Variants in BRSK2 observed in about 807,000 individuals in gnomAD.
BRSK2 encodes serine/threonine-protein kinase BRSK2.
BRSK2 carries 19 observed loss-of-function variants against 83.3 expected under a neutral mutation model. That is an observed-to-expected ratio of 0.23 (90% CI 0.16 to 0.33). The LOEUF (loss-of-function observed/expected upper bound fraction) is 0.33. Ranked by LOEUF, BRSK2 falls within the 10% of genes least tolerant of loss-of-function variation. BRSK2 has a pLI of 1.00. For missense variants in BRSK2, 798 were observed against 1,042.3 expected (o/e 0.77, Z 3.23); for synonymous variants, 519 against 435.4 (o/e 1.19, Z -2.39).
Position 1,438,461 on chromosome 11 carries a change from G to T in BRSK2, c.272+70G>T. 1 of 1,444,526 alleles carries T rather than the reference G, an allele frequency of 6.9e-7. No individual in the cohort carries two copies. The allele number at this position is 1,444,526 out of a possible 1,614,324, so 89.5% of individuals were successfully genotyped here. A position where few individuals can be genotyped will look rare whatever the true frequency, so the allele number is the denominator to read the frequency against. ...GCTGTCGCTGCAGGGGTGGGTGTCT[G>T]GGGCTTGGGGAGCACAGGGGCTGGA... On this transcript the variant is annotated intron_variant, in intron 3 of 19. Coordinates refer to ENST00000528841, the MANE Select transcript of BRSK2 (RefSeq NM_001256627.2). The surrounding 1 kb of genome is among the most constrained non-coding windows in gnomAD (Gnocchi z 6.4).
intron 1 of BRSK2, among the ~76,000 whole-genome samples, chr11:1,433,392 C>T (rs2132966671): frequency 6.6e-6 from 1 of 152,362 alleles, no homozygotes; most frequent in Non-Finnish European, 1.5e-5. Flanking sequence ...CCTGAGGGTG[C>T]CTCATGCTGG....
At chr11:1,422,169 G>A (rs1025405631) in intron 1 of BRSK2, among the ~76,000 whole-genome samples, 4 of 152,296 alleles carry the variant, frequency 2.6e-5, no homozygotes, top group South Asian at 2.1e-4. Context: ...AGCCCCTCAC[G>A]GGAGCATGCA....
At chr11:1,451,592 G>A (rs1294584180) in intron 15 of BRSK2, among the ~76,000 whole-genome samples, 173 bp downstream of exon 15, 2 of 152,332 alleles carry the variant, frequency 1.3e-5, no homozygotes, top group South Asian at 2.1e-4. Context: ...ATTCCCGGCT[G>A]TGAGGGGAAG....
intron 1 of BRSK2, among the ~76,000 whole-genome samples, chr11:1,403,982 G>A (rs1846665792): frequency 6.6e-6 from 1 of 152,210 alleles, no homozygotes; most frequent in Non-Finnish European, 1.5e-5. Context: ...TGGGGCGAAT[G>A]GGGTGAGCCT....
Position 1,390,095 on chromosome 11 carries a change from G to T in BRSK2, c.-190G>T. On this transcript the variant is annotated 5_prime_UTR_variant, in exon 1 of 20. Transcript: ENST00000528841. This position sits in a 1 kb window ranked among gnomAD's most constrained non-coding sequence, Gnocchi z 6.8. ...AGGCGTCGCCGCGGGCCAGGCCTCG[G>T]ACTGCCGCGTCGGAGTGGACGCGGG... The T allele has an allele frequency of 6.7e-6, 1 of 150,322 alleles. No homozygotes were observed. The highest frequency in any genetic ancestry group is 1.8e-4 in the South Asian group (1 of 5,636). The allele number at this position is 150,322 out of a possible 1,614,324, so 9.3% of individuals were successfully genotyped here.
At chr11:1,446,539 A>AG (rs1230505909) in intron 12 of BRSK2, among the ~76,000 whole-genome samples, 1 of 152,158 alleles carries the variant, frequency 6.6e-6, no homozygotes, top group Non-Finnish European at 1.5e-5. Context: ...CCCTGGTCCC[A>AG]GCAATGCTGG....
At chr11:1,422,536 T>C (rs1848737460) in intron 1 of BRSK2, among the ~76,000 whole-genome samples, 1 of 152,082 alleles carries the variant, frequency 6.6e-6, no homozygotes, top group African/African-American at 2.4e-5. Flanking sequence ...AGTTTGCAGT[T>C]GCTACAGTGC....
At chr11:1,421,630 G>A (rs999738821) in intron 1 of BRSK2, among the ~76,000 whole-genome samples, 1 of 152,222 alleles carries the variant, frequency 6.6e-6, no homozygotes, top group African/African-American at 2.4e-5. Context: ...GAGGCTGTGG[G>A]ATCTATTGAT....
intron 18 of BRSK2, among the ~76,000 whole-genome samples, 184 bp from the exon 19 acceptor site, chr11:1,459,008 C>T (rs528828990): frequency 4.6e-5 from 7 of 152,268 alleles, no homozygotes; most frequent in African/African-American, 1.7e-4. Context: ...CCTGCCCCTG[C>T]ACTGCCCCTT....
chr11:1,421,425 G>A (rs2134195315), intron 1 of BRSK2, among the ~76,000 whole-genome samples: 1 of 152,230 alleles, frequency 6.6e-6, no homozygotes, highest in African/African-American at 2.4e-5. Flanking sequence ...TCCCCAGTGG[G>A]AGCTGCATCC....
intron 1 of BRSK2, chr11:1,410,665 C>T: frequency 1.0e-6 from 1 of 985,438 alleles, no homozygotes; most frequent in Non-Finnish European, 1.2e-6. Flanking sequence ...ACCTGTGGCC[C>T]TGAGTCAGCA....
intron 12 of BRSK2, 101 bp downstream of exon 12, chr11:1,446,008 A>G: frequency 1.4e-6 from 2 of 1,381,304 alleles, no homozygotes; most frequent in Non-Finnish European, 1.9e-6. Context: ...GTCTCGGCTG[A>G]GGCCATTGGG....
chr11:1,445,231 A>G, intron 9 of BRSK2, 63 bp from the exon 10 acceptor site: 1 of 1,535,500 alleles, frequency 6.5e-7, no homozygotes, highest in Non-Finnish European at 8.8e-7. Context: ...CGGGCGTCCC[A>G]CCCTCGCAGC....
chr11:1,396,704 G>C (rs1846146896), intron 1 of BRSK2, among the ~76,000 whole-genome samples: 1 of 152,244 alleles, frequency 6.6e-6, no homozygotes, highest in African/African-American at 2.4e-5. Context: ...ACCTGGGGAG[G>C]GTCAGGCTGT....
chr11:1,429,572 T>C (rs1287557461), intron 1 of BRSK2, among the ~76,000 whole-genome samples: 1 of 150,392 alleles, frequency 6.6e-6, no homozygotes, highest in Non-Finnish European at 1.5e-5. Context: ...GTTTTGCCAC[T>C]GTGCTCAGCA....
intron 1 of BRSK2, among the ~76,000 whole-genome samples, chr11:1,407,998 C>T (rs1191591149): frequency 6.6e-6 from 1 of 152,242 alleles, no homozygotes; most frequent in East Asian, 1.9e-4. Flanking sequence ...GCAGGGGCTG[C>T]CTGGGCACCT....
At chr11:1,435,239 G>A (rs187232841) in intron 1 of BRSK2, among the ~76,000 whole-genome samples, 4 of 129,222 alleles carry the variant, frequency 3.1e-5, no homozygotes, top group African/African-American at 1.2e-4. Flanking sequence ...CTCAGCGGAG[G>A]AGGGGTGCCG....
chr11:1,392,025 G>T (rs1000594994), intron 1 of BRSK2, among the ~76,000 whole-genome samples: 1 of 152,222 alleles, frequency 6.6e-6, no homozygotes, highest in Non-Finnish European at 1.5e-5. Context: ...ACAGCTCGAG[G>T]GGGGGCACAA....
chr11:1,459,283 C>T, intron 19 of BRSK2, 44 bp downstream of exon 19: 2 of 1,607,542 alleles, frequency 1.2e-6, no homozygotes, highest in Non-Finnish European at 1.7e-6. Flanking sequence ...CCTGCCACTT[C>T]ACCGCTCACC....
Sources: allele counts gnomAD v4.1 joint callset (sites outside exome capture counted in the v4.1 genomes callset), GRCh38; gene constraint gnomAD v4.1.1; non-coding constraint Gnocchi (gnomAD v3.1); transcripts MANE v1.5; gene names NCBI Gene and HGNC (gene_info 2026-07-23, HGNC 2026-07-21).